RAB10: variants seen among roughly 807,000 people sequenced by gnomAD.
RAB10 encodes ras-related protein Rab-10.
A neutral mutation model predicts 25.7 loss-of-function variants in RAB10; 5 were observed. The ratio of observed to expected loss-of-function variants is 0.19; its 90% CI spans 0.10 to 0.41. The LOEUF (loss-of-function observed/expected upper bound fraction) is 0.41. Ranked by LOEUF, RAB10 falls within the 10% of genes least tolerant of loss-of-function variation. RAB10 has a pLI of 1.00. For synonymous variants in RAB10, 89 were observed against 86.4 expected (o/e 1.03, Z -0.16); for missense variants, 103 against 245.8 (o/e 0.42, Z 3.89).
intron 3 of RAB10, among the ~76,000 whole-genome samples, chr2:26,110,856 C>T (rs1488294915): frequency 1.1e-5 from 1 of 92,184 alleles, no homozygotes; most frequent in African/African-American, 3.8e-5. Context: ...CAGGTGTGCA[C>T]CACCACACCC....
At chr2:26,060,496 G>C (rs922722066) in intron 1 of RAB10, among the ~76,000 whole-genome samples, 2 of 152,108 alleles carry the variant, frequency 1.3e-5, no homozygotes, top group African/African-American at 4.8e-5. Flanking sequence ...GTTTCACCGT[G>C]TTAGCCAGGT....
At position 26,127,967 on chromosome 2, in the gene RAB10, T is replaced by C. The variant is rs2149289776; in HGVS notation, c.519+16T>C. On this transcript the variant is annotated intron_variant, in intron 5 of 5. Transcript: ENST00000264710. ...CCTTCGAAAGGTAAGTTCCTGTTTT[T>C]ATATCCTGCCAGGTACCTGAGTATC... The C allele has an allele frequency of 6.5e-7, 1 of 1,539,238 alleles. No homozygotes were observed. The highest frequency in any genetic ancestry group is 1.1e-5 in the South Asian group (1 of 89,520).
chr2:26,091,501 A>G (rs891829530), intron 1 of RAB10, among the ~76,000 whole-genome samples: 1 of 152,130 alleles, frequency 6.6e-6, no homozygotes, highest in African/African-American at 2.4e-5. Context: ...TCAGAGTGAG[A>G]TGATGTAGAA....
chr2:26,039,385 G>A (rs1316677730), intron 1 of RAB10, among the ~76,000 whole-genome samples: 3 of 151,598 alleles, frequency 2.0e-5, no homozygotes, highest in Non-Finnish European at 4.4e-5. Flanking sequence ...TCACTGTGTT[G>A]CCCAGGCTGG....
At position 26,109,939 on chromosome 2, in the gene RAB10, A is replaced by G. The variant is rs1349809221; in HGVS notation, c.327+33A>G. The G allele has an allele frequency of 5.9e-6, 9 of 1,525,668 alleles. No homozygotes were observed. The East Asian group carries it at 2.2e-4, about 37-fold the overall frequency. The allele number at this position is 1,525,668 out of a possible 1,614,324, so 94.5% of individuals were successfully genotyped here. A position where few individuals can be genotyped will look rare whatever the true frequency, so the allele number is the denominator to read the frequency against. On this transcript the variant is annotated intron_variant, in intron 3 of 5. Transcript: ENST00000264710. ...CTAGAACTTGTATAAACCCTTCATG[A>G]ACACACATTTGTGTGCTTGGTTAGG...
At position 26,034,908 on chromosome 2, in the gene RAB10, A is replaced by G. The variant is rs560540215; in HGVS notation, c.127+173A>G. On this transcript the variant is annotated intron_variant, in intron 1 of 5. Coordinates refer to ENST00000264710, the MANE Select transcript of RAB10 (RefSeq NM_016131.5). ...GAGCTTACTGGGGCGGGGTCTTCCC[A>G]TGATTTCCATCCGGTCTTTTGCTTT... is the stretch of plus-strand genomic sequence containing the variant. 8.7e-4 allele frequency among the ~76,000 whole-genome samples: 133 copies of G among 152,280 alleles called. 2 individuals carry two copies. The highest frequency in any genetic ancestry group is 1.5e-3 in the Non-Finnish European group (102 of 68,024).
intron 1 of RAB10, among the ~76,000 whole-genome samples, chr2:26,056,594 CAAAAT>C (rs1032484340): frequency 1.3e-4 from 20 of 152,150 alleles, no homozygotes; most frequent in Non-Finnish European, 1.8e-4. Context: ...AATCCAGACT[CAAAAT>C]AAACAAGATG....
intron 3 of RAB10, among the ~76,000 whole-genome samples, chr2:26,122,915 C>A (rs1444842963): frequency 2.0e-5 from 3 of 151,634 alleles, no homozygotes; most frequent in Non-Finnish European, 2.9e-5. Flanking sequence ...GGGGGGCAGG[C>A]CACAAAGGAC....
intron 1 of RAB10, among the ~76,000 whole-genome samples, chr2:26,065,360 T>A (rs1666492704): frequency 6.6e-6 from 1 of 152,174 alleles, no homozygotes; most frequent in African/African-American, 2.4e-5. Flanking sequence ...ATATATTTAA[T>A]ATAATTTTTT....
rs538080988 is a variant in RAB10 at position 26,061,552 on chromosome 2, T to TA, written c.127+26825dup. ...GTGCATGCCACCATGCCTGACTAAT[T>TA]AAAAAAAATTTTTTTTTTGGTAGAG... On this transcript the variant is annotated intron_variant, in intron 1 of 5. Transcript: ENST00000264710. Among the ~76,000 whole-genome samples, 513 of 151,974 alleles carry TA rather than the reference T, an allele frequency of 3.4e-3. 4 individuals are homozygous for TA. The highest frequency in any genetic ancestry group is 3.4e-3 in the Middle Eastern group (1 of 294).
At chr2:26,099,504 A>T in intron 2 of RAB10, among the ~76,000 whole-genome samples, 1 of 136,020 alleles carries the variant, frequency 7.4e-6, no homozygotes, top group Admixed American at 7.4e-5. Flanking sequence ...GCTTTCTGTC[A>T]CTGTATTTCT....
intron 1 of RAB10, among the ~76,000 whole-genome samples, chr2:26,048,201 T>C (rs1234976359): frequency 6.6e-6 from 1 of 152,144 alleles, no homozygotes; most frequent in Non-Finnish European, 1.5e-5. Context: ...GATCATAAAT[T>C]TTTGTTTCTT....
At chr2:26,098,482 A>G in intron 1 of RAB10, 180 bp from the exon 2 acceptor site, 3 of 553,766 alleles carry the variant, frequency 5.4e-6, no homozygotes, top group African/African-American at 1.9e-5. Context: ...CCTATCCTGG[A>G]TCTTGTATTA....
chr2:26,110,894 T>TG (rs775446688), intron 3 of RAB10, among the ~76,000 whole-genome samples: 4 of 152,086 alleles, frequency 2.6e-5, no homozygotes, highest in Non-Finnish European at 5.9e-5. Context: ...GTAGTAGAGA[T>TG]GGGGTCTCGC....
intron 3 of RAB10, among the ~76,000 whole-genome samples, chr2:26,121,460 A>C (rs1667801832): frequency 1.3e-5 from 2 of 152,214 alleles, no homozygotes; most frequent in Admixed American, 1.3e-4. Context: ...CTGGGATTAC[A>C]GGTGTGTGCC....
intron 5 of RAB10, among the ~76,000 whole-genome samples, chr2:26,131,479 A>G (rs1483660912): frequency 3.9e-5 from 6 of 152,210 alleles, no homozygotes; most frequent in Non-Finnish European, 5.9e-5. Flanking sequence ...TAAAACAGCA[A>G]ATGTAAACTT....
At chr2:26,119,705 G>GA (rs1198570310) in intron 3 of RAB10, among the ~76,000 whole-genome samples, 4 of 152,146 alleles carry the variant, frequency 2.6e-5, no homozygotes, top group Non-Finnish European at 2.9e-5. Flanking sequence ...TTTTTGTGGT[G>GA]ATGGGGTCTT....
At chr2:26,034,820 C>T in intron 1 of RAB10, 85 bp downstream of exon 1, 1 of 1,544,468 alleles carries the variant, frequency 6.5e-7, no homozygotes, top group East Asian at 2.3e-5. Flanking sequence ...CCGTAATATA[C>T]GCCTTTGTTT....
intron 3 of RAB10, among the ~76,000 whole-genome samples, chr2:26,113,489 G>T (rs1284208686): frequency 6.6e-6 from 1 of 151,814 alleles, no homozygotes; most frequent in Admixed American, 6.6e-5. Context: ...CAGGAGAATC[G>T]CTTGAGCCCA....
Sources: allele counts gnomAD v4.1 joint callset (sites outside exome capture counted in the v4.1 genomes callset), GRCh38; gene constraint gnomAD v4.1.1; transcripts MANE v1.5; gene names NCBI Gene and HGNC (gene_info 2026-07-23, HGNC 2026-07-21).